Variants in MED12L observed in about 807,000 individuals in gnomAD.
The protein encoded by MED12L is mediator complex subunit 12L.
A neutral mutation model predicts 281.3 loss-of-function variants in MED12L; 60 were observed. The observed-to-expected ratio is 0.21, with a 90% confidence interval of 0.17 to 0.26. The LOEUF (loss-of-function observed/expected upper bound fraction) is 0.26. Among genes scored for constraint, MED12L ranks in the 10% least tolerant of loss-of-function variants. The pLI is 1.00. For missense variants in MED12L, 2,146 were observed against 2,680.9 expected, an observed-to-expected ratio of 0.80 and a Z score of 4.41; for synonymous variants, 974 against 987.2, an observed-to-expected ratio of 0.99 and a Z score of 0.25.
intron 11 of MED12L, among the ~76,000 whole-genome samples, chr3:151,167,046 A>T (rs907258786): frequency 1.3e-5 from 2 of 152,170 alleles, no homozygotes; most frequent in African/African-American, 4.8e-5. Context: ...AATCTGCTTT[A>T]CTCAAAGTCT....
chr3:151,103,182 C>CTTTCT (rs3070905), intron 2 of MED12L, among the ~76,000 whole-genome samples: 13 of 151,474 alleles, frequency 8.6e-5, no homozygotes, highest in African/African-American at 3.2e-4. Context: ...TACCTTAAGT[C>CTTTCT]TGCTTTATGA....
At chr3:151,284,180 G>T (rs1743164313) in intron 16 of MED12L, among the ~76,000 whole-genome samples, 1 of 152,176 alleles carries the variant, frequency 6.6e-6, no homozygotes, top group African/African-American at 2.4e-5. Flanking sequence ...CATGGCCTCA[G>T]CAAGTTTAAG....
rs192807829 is a variant in MED12L at position 151,284,073 on chromosome 3, A to T, written c.2251-65986A>T. On this transcript the variant is annotated intron_variant, in intron 16 of 44. Coordinates refer to ENST00000687756, the MANE Select transcript of MED12L (RefSeq NM_001393769.1). ...GAGTGAGCTGGAATGAAACTTAATG[A>T]ATGTAAGAACATACTTCGTTTTTGT... 3.9e-5 allele frequency among the ~76,000 whole-genome samples: 6 copies of T among 152,334 alleles called. No homozygotes were observed. In the East Asian group the frequency reaches 1.2e-3, roughly 29 times the overall value.
rs1373301951 is a variant in MED12L, at chr3:151,436,545, A to ACAAGT, written c.*3743_*3747dup. The ACAAGT allele has an allele frequency of 2.6e-5, 16 of 606,626 alleles. No individual in the cohort carries two copies. The highest frequency in any genetic ancestry group is 4.2e-5 in the Non-Finnish European group (15 of 354,048). The allele number at this position is 606,626 out of a possible 1,614,324, so 37.6% of individuals were successfully genotyped here. On this transcript the variant is annotated 3_prime_UTR_variant, in exon 45 of 45. Transcript: ENST00000687756. ...TCATCAGTTCATAATGCATTTATTT[A>ACAAGT]CAAGTCCTTTTATTTTGCATGTTCA...
intron 2 of MED12L, among the ~76,000 whole-genome samples, chr3:151,113,411 C>G (rs1712226767): frequency 1.3e-5 from 2 of 152,138 alleles, no homozygotes; most frequent in South Asian, 2.1e-4. Flanking sequence ...TTTAGGACAT[C>G]ATAGGGCCTT....
At chr3:151,162,217 A>G (rs767439923) in intron 8 of MED12L, among the ~76,000 whole-genome samples, 4 of 152,116 alleles carry the variant, frequency 2.6e-5, no homozygotes, top group Non-Finnish European at 4.4e-5. Flanking sequence ...TCAAGGACAC[A>G]AGGAAGGGCT....
intron 43 of MED12L, among the ~76,000 whole-genome samples, chr3:151,419,816 A>G (rs959542762): frequency 6.6e-6 from 1 of 152,254 alleles, no homozygotes; most frequent in African/African-American, 2.4e-5. Context: ...AAATCCTGAT[A>G]TGAAGTCAGT....
intron 5 of MED12L, among the ~76,000 whole-genome samples, chr3:151,148,905 CATTG>C (rs1718094324): frequency 6.6e-6 from 1 of 152,166 alleles, no homozygotes; most frequent in African/African-American, 2.4e-5. Flanking sequence ...CATTTATAGC[CATTG>C]ATTAACAGGT....
intron 16 of MED12L, among the ~76,000 whole-genome samples, chr3:151,243,515 T>G (rs1305027569): frequency 3.3e-5 from 5 of 152,164 alleles, no homozygotes; most frequent in African/African-American, 9.7e-5. Flanking sequence ...CCAGCGAAAC[T>G]AAGCTTCATA....
rs758832557 is a variant in MED12L, at chr3:151,384,256, G to A, written c.4926+38G>A. 24 of 1,553,700 alleles carry A rather than the reference G, an allele frequency of 1.5e-5. No homozygotes were observed. In the South Asian group the frequency reaches 2.9e-4, roughly 19 times the overall value. Reference sequence around the variant, plus strand: ...TCAGCCTGTATTATGAGCTCAAGTTGTTTATGGATTTATTATCTAGTGCAT... The same window carrying A: ...TCAGCCTGTATTATGAGCTCAAGTTATTTATGGATTTATTATCTAGTGCAT... On this transcript the variant is annotated intron_variant, in intron 35 of 44. Coordinates refer to ENST00000687756, the MANE Select transcript of MED12L (RefSeq NM_001393769.1).
intron 43 of MED12L, among the ~76,000 whole-genome samples, chr3:151,421,992 T>G (rs1718302014): frequency 6.6e-6 from 1 of 152,180 alleles, no homozygotes; most frequent in Non-Finnish European, 1.5e-5. Flanking sequence ...CCCCATCCCC[T>G]GACTTGTCCT....
At chr3:151,121,841 G>C (rs996775094) in intron 3 of MED12L, among the ~76,000 whole-genome samples, 1 of 151,762 alleles carries the variant, frequency 6.6e-6, no homozygotes, top group Non-Finnish European at 1.5e-5. Flanking sequence ...TCAGCCTCCC[G>C]AGTAGGTGGG....
chr3:151,242,574 A>G (rs890608245), intron 16 of MED12L, among the ~76,000 whole-genome samples: 4 of 152,344 alleles, frequency 2.6e-5, no homozygotes, highest in Admixed American at 1.3e-4. Flanking sequence ...TTACAAGGAA[A>G]ACTAACAAAC....
At chr3:151,255,090 C>A (rs1203668261) in intron 16 of MED12L, among the ~76,000 whole-genome samples, 1 of 151,926 alleles carries the variant, frequency 6.6e-6, no homozygotes, top group African/African-American at 2.4e-5. Context: ...TGTAGAGAAG[C>A]GCTTAAAAGA....
intron 16 of MED12L, among the ~76,000 whole-genome samples, chr3:151,318,733 A>T (rs530497829): frequency 3.3e-5 from 5 of 152,108 alleles, no homozygotes; most frequent in Admixed American, 3.3e-4. Flanking sequence ...AAGACCTTTT[A>T]AAAAAAAGAG....
chr3:151,099,391 G>T (rs71306540), intron 2 of MED12L, among the ~76,000 whole-genome samples: 7,669 of 152,010 alleles, frequency 0.05, 273 homozygotes, highest in Middle Eastern at 0.082. Flanking sequence ...TTAAAACTGA[G>T]AAATTTGAAT....
chr3:151,411,240 G>T, intron 40 of MED12L, 38 bp from the exon 41 acceptor site: 1 of 1,579,846 alleles, frequency 6.3e-7, no homozygotes, highest in Non-Finnish European at 8.7e-7. Context: ...TAGGTGATAA[G>T]TTGAAACATT....
chr3:151,407,684 A>G (rs963123526), intron 39 of MED12L, among the ~76,000 whole-genome samples: 10 of 152,210 alleles, frequency 6.6e-5, no homozygotes, highest in African/African-American at 1.9e-4. Context: ...TGGAGATACA[A>G]TTGTTTTTTT....
intron 16 of MED12L, among the ~76,000 whole-genome samples, chr3:151,308,024 G>A (rs1746949062): frequency 6.6e-6 from 1 of 152,118 alleles, no homozygotes; most frequent in African/African-American, 2.4e-5. Context: ...ATAAATACCT[G>A]ACGTACTTCC....
Sources: allele counts gnomAD v4.1 joint callset (sites outside exome capture counted in the v4.1 genomes callset), GRCh38; gene constraint gnomAD v4.1.1; transcripts MANE v1.5; gene names NCBI Gene and HGNC (gene_info 2026-07-23, HGNC 2026-07-21).